Variants in GARNL3 observed in about 807,000 individuals in gnomAD.
The protein encoded by GARNL3 is GTPase-activating Rap/Ran-GAP domain-like protein 3.
GARNL3 carries 63 observed loss-of-function variants against 125.0 expected under a neutral mutation model. That is an observed-to-expected ratio of 0.50 (90% CI 0.41 to 0.62). The LOEUF (loss-of-function observed/expected upper bound fraction) is 0.62, where lower values mean the gene tolerates loss of function less well. GARNL3 is among the 20% of genes least tolerant of loss of function. The pLI is 0.00. For synonymous variants in GARNL3, 439 were observed against 457.5 expected (o/e 0.96, Z 0.52); for missense variants, 994 against 1,244.0 (o/e 0.80, Z 3.02).
chr9:127,338,177 G>A lies in GARNL3; in HGVS notation c.1028+16G>A, dbSNP rs201827347. On this transcript the variant is annotated intron_variant, in intron 12 of 27. Transcript: ENST00000373387. ...ACAATTACAGGTAGGTAATGACTTTGTCTCGATTGCTTGTCCTAATTCTCA... is the reference window on the plus strand; with the variant it reads ...ACAATTACAGGTAGGTAATGACTTTATCTCGATTGCTTGTCCTAATTCTCA... 1 of 1,585,910 alleles carries A rather than the reference G, an allele frequency of 6.3e-7. No homozygotes were observed. The highest frequency in any genetic ancestry group is 8.7e-7 in the Non-Finnish European group (1 of 1,154,566).
At position 127,291,195 on chromosome 9, in the gene GARNL3, A is replaced by C. The variant is rs574952886; in HGVS notation, c.172A>C (p.Ile58Leu). ...TATTTCCAGTGATGCTGATGGAGCC[A>C]TCCAAAGGGCTGGAAGATTCAGAGT... is the stretch of plus-strand genomic sequence containing the variant. The part of the protein sequence containing the change: ...LLISSDADGA[I>L]QRAGRFRVEN... Residue 58 changes from isoleucine (I) to leucine (L), a missense_variant, in exon 2 of 28, where the codon ATC becomes CTC. By Grantham distance (5) the Ile-to-Leu change is conservative. Transcript: ENST00000373387. The C allele has an allele frequency of 7.4e-6, 12 of 1,614,174 alleles. No individual in the cohort carries two copies. Among genetic ancestry groups the C allele is most frequent in the Non-Finnish European group, 1.0e-5 (12 of 1,180,010 alleles).
At chr9:127,247,036 CTCTT>C (rs1466353891) in intron 2 of GARNL3, among the ~76,000 whole-genome samples, 10 of 148,370 alleles carry the variant, frequency 6.7e-5, no homozygotes, top group African/African-American at 2.2e-4. Context: ...AGCAGGGACA[CTCTT>C]TCAGCGCATT....
intron 2 of GARNL3, among the ~76,000 whole-genome samples, chr9:127,247,195 C>G (rs2063319709): frequency 6.6e-6 from 1 of 152,080 alleles, no homozygotes; most frequent in African/African-American, 2.4e-5. Flanking sequence ...TTGAGACAGG[C>G]AAGTGGTGGT....
At chr9:127,316,323 C>T (rs114162793) in intron 4 of GARNL3, among the ~76,000 whole-genome samples, 2,196 of 152,172 alleles carry the variant, frequency 0.014, 58 homozygotes, top group African/African-American at 0.051. Context: ...AGAAGGATTG[C>T]ATGGGACCAG....
At chr9:127,235,111 A>G (rs2063087307) in intron 1 of GARNL3, among the ~76,000 whole-genome samples, 1 of 152,130 alleles carries the variant, frequency 6.6e-6, no homozygotes, top group Non-Finnish European at 1.5e-5. Context: ...GCTTCTGGCG[A>G]TAGCCAGGGT....
intron 5 of GARNL3, 123 bp downstream of exon 5, chr9:127,318,250 T>C: frequency 1.4e-6 from 1 of 739,636 alleles, no homozygotes. Context: ...GTAAGATGTT[T>C]TGCTAAGCAC....
chr9:127,320,723 A>G lies in GARNL3; in HGVS notation c.512A>G (p.Asn171Ser). 1 of 1,612,016 alleles carries G rather than the reference A, an allele frequency of 6.2e-7. No individual in the cohort carries two copies. The highest frequency in any genetic ancestry group is 8.5e-7 in the Non-Finnish European group (1 of 1,178,150). ...TGTCCATTCTATTTCAGTGCCATGA[A>G]TCTGGACAAATTTGAGAAAGGCCCC... is the stretch of plus-strand genomic sequence containing the variant. ...LSVKSILSAM[N>S]LDKFEKGPRE... is the part of the protein sequence containing the mutation. Residue 171 changes from asparagine to serine, a missense_variant, in exon 6 of 28, where the codon AAT becomes AGT. Asn to Ser is a conservative substitution (Grantham distance 46). Around this residue, in one of 5 missense-constraint regions of GARNL3, gnomAD observed 139 missense variants for 231.6 expected, o/e 0.60. Coordinates refer to ENST00000373387, the MANE Select transcript of GARNL3 (RefSeq NM_032293.5).
chr9:127,252,009 C>T (rs2063413682), intron 2 of GARNL3, among the ~76,000 whole-genome samples: 2 of 152,298 alleles, frequency 1.3e-5, no homozygotes, highest in South Asian at 4.2e-4. Flanking sequence ...CATATACCTT[C>T]CAATAAGTTA....
intron 25 of GARNL3, among the ~76,000 whole-genome samples, chr9:127,388,227 G>C (rs895675446): frequency 1.3e-5 from 2 of 151,558 alleles, no homozygotes; most frequent in Non-Finnish European, 2.9e-5. Context: ...GAGGTGGGAG[G>C]ATCACTTGAG....
At chr9:127,387,116 CA>C in intron 24 of GARNL3, 76 bp from the exon 25 acceptor site, 1 of 1,463,136 alleles carries the variant, frequency 6.8e-7, no homozygotes, top group African/African-American at 1.4e-5. Context: ...GGAGGGTTTG[CA>C]GTGATGGCAG....
At position 127,313,434 on chromosome 9, in the gene GARNL3, T is replaced by C. The variant is rs775573569; in HGVS notation, c.320-7T>C. On this transcript the variant is annotated splice_polypyrimidine_tract_variant and splice_region_variant and intron_variant, in intron 3 of 27. Coordinates refer to ENST00000373387, the MANE Select transcript of GARNL3 (RefSeq NM_032293.5). Reference sequence around the variant, plus strand: ...CATTCTCACTGTTCTAAACCTTTCTTTTCCAGTCCATCAGAACTACATTGG... The same window carrying C: ...CATTCTCACTGTTCTAAACCTTTCTCTTCCAGTCCATCAGAACTACATTGG... 1.2e-6 allele frequency: 2 copies of C among 1,603,312 alleles called. No homozygotes were observed. Among genetic ancestry groups the C allele is most frequent in the Non-Finnish European group, 1.7e-6 (2 of 1,170,156 alleles).
At chr9:127,339,866 G>A (rs189945530) in intron 13 of GARNL3, 115 bp downstream of exon 13, 41 of 752,962 alleles carry the variant, frequency 5.4e-5, no homozygotes, top group South Asian at 9.1e-5. Flanking sequence ...TCCATGTTCC[G>A]TTAATTCTTT....
chr9:127,325,028 CT>C (rs754419630), intron 6 of GARNL3, 40 bp from the exon 7 acceptor site: 2 of 1,588,480 alleles, frequency 1.3e-6, no homozygotes, highest in Non-Finnish European at 1.7e-6. Flanking sequence ...GAAATAATTA[CT>C]GTTATGCCTG....
chr9:127,291,294 G>T (rs1226122339), intron 2 of GARNL3, 52 bp downstream of exon 2: 4 of 1,483,308 alleles, frequency 2.7e-6, no homozygotes, highest in Non-Finnish European at 3.8e-6. Context: ...TGATTATAGT[G>T]CCTGGGATAT....
chr9:127,348,466 T>A (rs1830259198), intron 16 of GARNL3, among the ~76,000 whole-genome samples: 1 of 152,250 alleles, frequency 6.6e-6, no homozygotes, highest in South Asian at 2.1e-4. Context: ...ATATCAACCT[T>A]TTAGTGCATC....
At chr9:127,374,336 CCT>C (rs1249884101) in intron 22 of GARNL3, among the ~76,000 whole-genome samples, 2 of 151,880 alleles carry the variant, frequency 1.3e-5, no homozygotes, top group African/African-American at 4.8e-5. Context: ...AGGAAAGACT[CCT>C]CTCACATCAG....
intron 27 of GARNL3, among the ~76,000 whole-genome samples, chr9:127,391,068 CA>C (rs1832800459): frequency 6.6e-6 from 1 of 151,908 alleles, no homozygotes; most frequent in African/African-American, 2.4e-5. Flanking sequence ...GCAGATCACC[CA>C]AGGTCAGGAG....
intron 6 of GARNL3, among the ~76,000 whole-genome samples, chr9:127,320,983 G>A (rs1283565552): frequency 2.0e-5 from 3 of 152,188 alleles, no homozygotes. Context: ...TTTTTCAGAA[G>A]TTCCTCAAGT....
chr9:127,355,514 T>C, intron 20 of GARNL3, 42 bp downstream of exon 20: 1 of 1,586,588 alleles, frequency 6.3e-7, no homozygotes, highest in Non-Finnish European at 8.7e-7. Flanking sequence ...AACCAAGTTG[T>C]CTTGAAGCAG....
Sources: gnomAD v4.1 joint callset for allele counts (sites outside exome capture counted in the v4.1 genomes callset) on GRCh38, gnomAD v4.1.1 for gene constraint, gnomAD v4.1.1 regional missense constraint, MANE v1.5 for transcripts, NCBI Gene and HGNC (gene_info 2026-07-23, HGNC 2026-07-21) for gene names.